GASK1B: variants seen among roughly 807,000 people sequenced by gnomAD.
The protein encoded by GASK1B is Golgi-associated kinase 1B.
Under a neutral mutation model 42.8 loss-of-function variants are expected in GASK1B, and 34 were observed. That is an observed-to-expected ratio of 0.79 (90% CI 0.60 to 1.06). The LOEUF (loss-of-function observed/expected upper bound fraction) is 1.06. Ranked by LOEUF, GASK1B falls within the 50% of genes least tolerant of loss-of-function variation. GASK1B has a pLI of 0.00. For synonymous variants in GASK1B, 262 were observed against 259.1 expected, an observed-to-expected ratio of 1.01 and a Z score of -0.11; for missense variants, 686 against 661.0, an observed-to-expected ratio of 1.04 and a Z score of -0.42.
intron 3 of GASK1B, among the ~76,000 whole-genome samples, chr4:158,142,971 A>G (rs1304750566): frequency 1.3e-5 from 2 of 152,206 alleles, no homozygotes; most frequent in African/African-American, 2.4e-5. Context: ...AAGTGTGGGC[A>G]TTATTTAAAT....
At chr4:158,141,597 CTTTTTT>C (rs199530247) in intron 3 of GASK1B, among the ~76,000 whole-genome samples, 1 of 113,692 alleles carries the variant, frequency 8.8e-6, no homozygotes. Context: ...TTGTATTTAC[CTTTTTT>C]TTTTTTTTTT....
chr4:158,135,905 T>G (rs1309902205), intron 3 of GASK1B, among the ~76,000 whole-genome samples: 1 of 152,048 alleles, frequency 6.6e-6, no homozygotes, highest in Non-Finnish European at 1.5e-5. Flanking sequence ...AAAGGCATCT[T>G]TAGAGATACA....
chr4:158,140,449 T>C (rs1731070366), intron 3 of GASK1B, among the ~76,000 whole-genome samples: 1 of 152,208 alleles, frequency 6.6e-6, no homozygotes, highest in Non-Finnish European at 1.5e-5. Flanking sequence ...TAGCCAATAA[T>C]GAGTCATAAA....
chr4:158,159,968 T>C (rs1385434996), intron 2 of GASK1B, among the ~76,000 whole-genome samples: 1 of 152,164 alleles, frequency 6.6e-6, no homozygotes, highest in Non-Finnish European at 1.5e-5. Context: ...GCTATGAATG[T>C]CTGTGAGCAT....
At chr4:158,167,955 C>A (rs1732291139) in intron 2 of GASK1B, among the ~76,000 whole-genome samples, 1 of 152,108 alleles carries the variant, frequency 6.6e-6, no homozygotes, top group African/African-American at 2.4e-5. Context: ...TACTGAGAAC[C>A]TAATGCTGTC....
Position 158,171,290 on chromosome 4 carries a change from C to G in GASK1B, c.86G>C (p.Ser29Thr), listed in dbSNP as rs1294944178. ...GTTTCTCCGGGTCCTTGGACGCCGG[C>G]TGCTCCAGAGCTTACGCACCCGCGG... ...CVPRVRKLWS[S>T]RRPRTRRNLL... The change falls in exon 2 of 5, where the codon AGC (serine) becomes ACC (threonine). Residue 29 changes from serine to threonine, a missense_variant. By Grantham distance (58) the Ser-to-Thr change is moderately conservative (BLOSUM62 1). Coordinates refer to ENST00000585682, the MANE Select transcript of GASK1B (RefSeq NM_001128424.2). 1 of 1,613,574 alleles carries G rather than the reference C, an allele frequency of 6.2e-7. No individual in the cohort carries two copies. The highest frequency in any genetic ancestry group is 1.7e-5 in the Admixed American group (1 of 59,998).
chr4:158,142,235 C>T (rs541160234), intron 3 of GASK1B, among the ~76,000 whole-genome samples: 6 of 152,270 alleles, frequency 3.9e-5, no homozygotes, highest in Admixed American at 2.6e-4. Context: ...TGAGCCACCG[C>T]GCCCGGCCGA....
chr4:158,154,937 C>T (rs1413749982), intron 3 of GASK1B, among the ~76,000 whole-genome samples: 3 of 152,074 alleles, frequency 2.0e-5, no homozygotes, highest in Non-Finnish European at 4.4e-5. Context: ...TACACCAAAA[C>T]CTCAGAAATC....
chr4:158,172,044 A>T (rs1415841922), intron 1 of GASK1B, among the ~76,000 whole-genome samples: 1 of 152,216 alleles, frequency 6.6e-6, no homozygotes, highest in East Asian at 1.9e-4. Flanking sequence ...CTTAGTCTAA[A>T]GGTACAAATT....
chr4:158,131,061 T>G lies in GASK1B; in HGVS notation c.1126-49A>C, dbSNP rs773717710. On this transcript the variant is annotated intron_variant, in intron 3 of 4. Coordinates refer to ENST00000585682, the MANE Select transcript of GASK1B (RefSeq NM_001128424.2). ...CAAGATGCTGAGTGAAAACAAAACT[T>G]GGGAAAGTTACAAGATTTTCAAAGA... The G allele has an allele frequency of 1.1e-4, 161 of 1,504,268 alleles. 1 individual carries two copies. The highest frequency in any genetic ancestry group is 1.4e-4 in the Non-Finnish European group (150 of 1,092,432). The allele number at this position is 1,504,268 out of a possible 1,614,324, so 93.2% of individuals were successfully genotyped here. A position where few individuals can be genotyped will look rare whatever the true frequency, so the allele number is the denominator to read the frequency against.
At chr4:158,131,104 G>T in intron 3 of GASK1B, 92 bp from the exon 4 acceptor site, 1 of 1,058,596 alleles carries the variant, frequency 9.4e-7, no homozygotes, top group Non-Finnish European at 1.4e-6. Flanking sequence ...TTTCTGAATA[G>T]CTGACTTGCC....
intron 3 of GASK1B, among the ~76,000 whole-genome samples, chr4:158,134,177 C>T (rs935227134): frequency 6.6e-6 from 1 of 152,094 alleles, no homozygotes; most frequent in Non-Finnish European, 1.5e-5. Context: ...TAATCTACAC[C>T]CTTAAATTCA....
At chr4:158,163,390 G>A (rs905378792) in intron 2 of GASK1B, among the ~76,000 whole-genome samples, 10 of 152,112 alleles carry the variant, frequency 6.6e-5, no homozygotes, top group Admixed American at 6.5e-5. Context: ...CCAACATGGT[G>A]AAACCCTGTC....
intron 3 of GASK1B, among the ~76,000 whole-genome samples, chr4:158,132,225 C>G (rs1345050739): frequency 6.6e-6 from 1 of 152,104 alleles, no homozygotes; most frequent in Non-Finnish European, 1.5e-5. Context: ...GCTAACTAGT[C>G]AAAAGATGGC....
At chr4:158,156,890 T>G (rs1440297142) in intron 2 of GASK1B, among the ~76,000 whole-genome samples, 1 of 152,156 alleles carries the variant, frequency 6.6e-6, no homozygotes, top group East Asian at 1.9e-4. Context: ...ACAGGAATTT[T>G]TAAAACCTCT....
rs1730493660 is a variant in GASK1B at position 158,127,325 on chromosome 4, G to A, written c.*82C>T. ...TCTACACTGCCTCATTGCTAAACGGGCTTGAGGTTGATGTGCTTGATTTAA... is the reference window on the plus strand; with the variant it reads ...TCTACACTGCCTCATTGCTAAACGGACTTGAGGTTGATGTGCTTGATTTAA... On this transcript the variant is annotated 3_prime_UTR_variant, in exon 5 of 5. Coordinates refer to ENST00000585682, the MANE Select transcript of GASK1B (RefSeq NM_001128424.2). The A allele has an allele frequency of 8.6e-7, 1 of 1,158,414 alleles. No homozygotes were observed. The highest frequency in any genetic ancestry group is 1.5e-5 in the African/African-American group (1 of 65,292). 71.8% of individuals were successfully genotyped at this position (1,158,414 alleles called of 1,614,324 possible).
chr4:158,167,023 T>C (rs1000976897), intron 2 of GASK1B, among the ~76,000 whole-genome samples: 17 of 152,304 alleles, frequency 1.1e-4, no homozygotes, highest in African/African-American at 3.8e-4. Flanking sequence ...GTCTACTGCA[T>C]AGGATTCTCA....
chr4:158,133,502 C>T (rs182596175), intron 3 of GASK1B, among the ~76,000 whole-genome samples: 114 of 152,156 alleles, frequency 7.5e-4, no homozygotes, highest in Admixed American at 4.2e-3. Context: ...GTTTCTATAA[C>T]AAAACCATGA....
chr4:158,136,803 A>G (rs567898029), intron 3 of GASK1B, among the ~76,000 whole-genome samples: 35 of 152,338 alleles, frequency 2.3e-4, no homozygotes, highest in African/African-American at 7.2e-4. Flanking sequence ...AAGAATGCAT[A>G]TCAGAGAGAA....
Sources: allele counts gnomAD v4.1 joint callset (sites outside exome capture counted in the v4.1 genomes callset), GRCh38; gene constraint gnomAD v4.1.1; transcripts MANE v1.5; gene names NCBI Gene and HGNC (gene_info 2026-07-23, HGNC 2026-07-21).